Variants in RASAL2 observed in about 807,000 individuals in gnomAD.
RASAL2 encodes RAS protein activator like 2.
RASAL2 carries 58 observed loss-of-function variants against 128.9 expected under a neutral mutation model. That is an observed-to-expected ratio of 0.45 (90% confidence interval 0.36 to 0.56). The LOEUF (loss-of-function observed/expected upper bound fraction) is 0.56. Ranked by LOEUF, RASAL2 falls within the 20% of genes least tolerant of loss-of-function variation. RASAL2 has a pLI of 0.00. For missense variants in RASAL2, 1,360 were observed against 1,601.6 expected, an observed-to-expected ratio of 0.85 and a Z score of 2.57; for synonymous variants, 561 against 580.8, an observed-to-expected ratio of 0.97 and a Z score of 0.49.
chr1:178,121,068 A>G (rs1393930184), intron 1 of RASAL2: 1 of 152,204 alleles, frequency 6.6e-6, no homozygotes, highest in African/African-American at 2.4e-5. Context: ...TTTTCATACT[A>G]CATTTTCAAG....
chr1:178,247,730 ACTG>A (rs1336167721), intron 1 of RASAL2, among the ~76,000 whole-genome samples: 1 of 152,158 alleles, frequency 6.6e-6, no homozygotes, highest in African/African-American at 2.4e-5. Context: ...CCCTCTTAAC[ACTG>A]CCTTAGCTGT....
At chr1:178,449,860 G>A (rs1439574355) in intron 9 of RASAL2, among the ~76,000 whole-genome samples, 2 of 151,922 alleles carry the variant, frequency 1.3e-5, no homozygotes, top group Admixed American at 6.6e-5. Context: ...AGAAAAATAT[G>A]GTTAATATTC....
chr1:178,385,271 G>A (rs543827246), intron 3 of RASAL2, among the ~76,000 whole-genome samples: 1 of 152,130 alleles, frequency 6.6e-6, no homozygotes, highest in East Asian at 1.9e-4. Flanking sequence ...TGGGTAAGAT[G>A]GTGAAATACC....
At chr1:178,165,784 C>T (rs1661498446) in intron 1 of RASAL2, among the ~76,000 whole-genome samples, 1 of 152,146 alleles carries the variant, frequency 6.6e-6, no homozygotes, top group Non-Finnish European at 1.5e-5. Context: ...GTAGACCTTA[C>T]TGCTAATTTT....
intron 4 of RASAL2, among the ~76,000 whole-genome samples, chr1:178,399,211 G>C (rs960525135): frequency 6.6e-6 from 1 of 152,158 alleles, no homozygotes; most frequent in Non-Finnish European, 1.5e-5. Context: ...GTCACTCTCT[G>C]ACCCTGGCAG....
intron 2 of RASAL2, among the ~76,000 whole-genome samples, chr1:178,284,313 G>A (rs1666920054): frequency 6.6e-6 from 1 of 152,200 alleles, no homozygotes; most frequent in African/African-American, 2.4e-5. Flanking sequence ...GAGGAAGTAA[G>A]ACAGAATAAA....
chr1:178,256,066 T>A (rs968000139), intron 1 of RASAL2, among the ~76,000 whole-genome samples: 13 of 152,048 alleles, frequency 8.5e-5, no homozygotes, highest in African/African-American at 3.1e-4. Context: ...GACTAAACAG[T>A]AACAACAAAG....
intron 1 of RASAL2, among the ~76,000 whole-genome samples, chr1:178,140,135 C>T (rs1660474403): frequency 6.6e-6 from 1 of 152,050 alleles, no homozygotes; most frequent in South Asian, 2.1e-4. Flanking sequence ...CAGTGTTTCT[C>T]AATCTTTTTT....
chr1:178,439,476 C>T lies in RASAL2; in HGVS notation c.729C>T (p.Ser243=), dbSNP rs765843590. The change falls in exon 6 of 18, where the codon AGC becomes AGT. Residue 243 remains serine (S), a synonymous_variant. Transcript: ENST00000367649. ...CACGTTCCCATGAATCCTTGCTGAGCCCATGCAGCACAGTGGAATGTCTGG... is the reference window on the plus strand; with the variant it reads ...CACGTTCCCATGAATCCTTGCTGAGTCCATGCAGCACAGTGGAATGTCTGG... The part of the protein sequence containing the change: ...KESRSHESLL[S]PCSTVECLDL... The T allele has an allele frequency of 2.5e-6, 4 of 1,612,338 alleles. No individual in the cohort carries two copies. Among genetic ancestry groups the T allele is most frequent in the Non-Finnish European group, 3.4e-6 (4 of 1,178,946 alleles).
chr1:178,445,595 T>C lies in RASAL2; in HGVS notation c.1560T>C (p.Thr520=), dbSNP rs1470944054. The change falls in exon 9 of 18, where the codon ACT becomes ACC. Residue 520 remains threonine (T), a synonymous_variant. Transcript: ENST00000367649. ...ATGTCTTGATCTTCAGAGAGAACAC[T>C]ATTGCCACCAAATCCATTGAGGAAT... The part of the protein sequence containing the change: ...EHDVLIFREN[T]IATKSIEEYL... The C allele has an allele frequency of 3.7e-6, 6 of 1,613,834 alleles. No individual in the cohort carries two copies. Among genetic ancestry groups the C allele is most frequent in the Non-Finnish European group, 5.1e-6 (6 of 1,179,856 alleles).
At chr1:178,388,804 G>A (rs892289086) in intron 3 of RASAL2, among the ~76,000 whole-genome samples, 17 of 152,170 alleles carry the variant, frequency 1.1e-4, no homozygotes, top group African/African-American at 3.9e-4. Flanking sequence ...GTTTTTTCTT[G>A]CTGCAGATTA....
chr1:178,444,435 GAGTA>G (rs1162237351), intron 8 of RASAL2, among the ~76,000 whole-genome samples: 3 of 152,116 alleles, frequency 2.0e-5, no homozygotes, highest in Non-Finnish European at 2.9e-5. Flanking sequence ...AGCTGCCCCA[GAGTA>G]AGTCCCATTG....
chr1:178,302,744 T>C (rs1013895167), intron 3 of RASAL2, among the ~76,000 whole-genome samples: 10 of 152,130 alleles, frequency 6.6e-5, no homozygotes, highest in African/African-American at 2.2e-4. Flanking sequence ...TTAAGATCTG[T>C]TTAAAAAGTA....
chr1:178,400,186 T>G (rs1673521537), intron 4 of RASAL2, among the ~76,000 whole-genome samples: 4 of 152,232 alleles, frequency 2.6e-5, no homozygotes, highest in Admixed American at 1.3e-4. Flanking sequence ...TTTCATTGTC[T>G]AATTTTGTAC....
chr1:178,420,434 C>T, intron 4 of RASAL2, 77 bp from the exon 5 acceptor site: 1 of 880,684 alleles, frequency 1.1e-6, no homozygotes, highest in Non-Finnish European at 1.7e-6. Flanking sequence ...AGTCTAAATA[C>T]CTTTTGCAGA....
chr1:178,364,494 G>A (rs1436479518), intron 3 of RASAL2, among the ~76,000 whole-genome samples: 1 of 152,180 alleles, frequency 6.6e-6, no homozygotes, highest in Non-Finnish European at 1.5e-5. Context: ...AAAATGAGAG[G>A]TTAATAGCAC....
chr1:178,185,522 C>T lies in RASAL2; in HGVS notation c.202+90828C>T, dbSNP rs565808193. ...GGTTTTTTAAATTTTTTTTTTTTGG[C>T]TTGGGGGTATATAAGAAGGTTTGTT... On this transcript the variant is annotated intron_variant, in intron 1 of 17. Transcript: ENST00000367649. 4.6e-4 allele frequency among the ~76,000 whole-genome samples: 68 copies of T among 148,810 alleles called. 3 individuals are homozygous for T. The highest frequency in any genetic ancestry group is 4.5e-5 in the Non-Finnish European group (3 of 67,086).
Position 178,300,185 on chromosome 1 carries a change from GT to G in RASAL2, c.457+68del. 3 of 1,491,460 alleles carry G rather than the reference GT, an allele frequency of 2.0e-6. No individual in the cohort carries two copies. In the South Asian group the frequency reaches 3.9e-5, roughly 20 times the overall value. The allele number at this position is 1,491,460 out of a possible 1,614,324, so 92.4% of individuals were successfully genotyped here. A position where few individuals can be genotyped will look rare whatever the true frequency, so the allele number is the denominator to read the frequency against. ...CCATAATTTATGGACTTGTTACTGA[GT>G]AAAACAGAACATCCTGCATTTCCTG... On this transcript the variant is annotated intron_variant, in intron 3 of 17. Transcript: ENST00000367649.
chr1:178,311,776 G>A (rs1668264402), intron 3 of RASAL2, among the ~76,000 whole-genome samples: 1 of 151,864 alleles, frequency 6.6e-6, no homozygotes, highest in Non-Finnish European at 1.5e-5. Flanking sequence ...CCCAAGATTA[G>A]TGGACATCTG....
Sources: gnomAD v4.1 joint callset for allele counts (sites outside exome capture counted in the v4.1 genomes callset) on GRCh38, gnomAD v4.1.1 for gene constraint, MANE v1.5 for transcripts, NCBI Gene and HGNC (gene_info 2026-07-23, HGNC 2026-07-21) for gene names.